Variants in PPP1R1C observed in about 807,000 individuals in gnomAD.
PPP1R1C encodes protein phosphatase 1 regulatory subunit 1C.
A neutral mutation model predicts 17.4 loss-of-function variants in PPP1R1C; 15 were observed. That is an observed-to-expected ratio of 0.86 (90% CI 0.58 to 1.33). PPP1R1C has a LOEUF of 1.33. Among genes scored for constraint, PPP1R1C ranks in the 40% most tolerant of loss-of-function variants. The pLI, the probability that PPP1R1C is intolerant of heterozygous loss-of-function variation, is 0.00. For missense variants in PPP1R1C, 143 were observed against 130.0 expected (o/e 1.10, Z -0.48); for synonymous variants, 35 against 43.1 (o/e 0.81, Z 0.73).
chr2:182,008,484 C>G (rs1685996318), intron 2 of PPP1R1C, among the ~76,000 whole-genome samples: 1 of 152,042 alleles, frequency 6.6e-6, no homozygotes, highest in South Asian at 2.1e-4. Flanking sequence ...TCGAAGGATC[C>G]TACAAAAGCG....
rs3063151 is a variant in PPP1R1C at position 182,117,692 on chromosome 2, A to AGT, written c.*417_*418dup. The AGT allele has an allele frequency of 0.041, 6,235 of 153,214 alleles. 325 individuals carry two copies. Among genetic ancestry groups the AGT allele is most frequent in the Admixed American group, 0.13 (2,033 of 15,290 alleles). 9.5% of individuals were successfully genotyped at this position (153,214 alleles called of 1,614,324 possible). Reference sequence around the variant, plus strand: ...TAAATAGTAAACACATTTAGACATGAGTGTGTGTGTGTGTGTGTGTGGGTT... The same window carrying AGT: ...TAAATAGTAAACACATTTAGACATGAGTGTGTGTGTGTGTGTGTGTGTGGGTT... On this transcript the variant is annotated 3_prime_UTR_variant, in exon 5 of 5. Transcript: ENST00000682840.
At chr2:182,107,354 A>G (rs1028915029) in intron 4 of PPP1R1C, among the ~76,000 whole-genome samples, 1 of 152,200 alleles carries the variant, frequency 6.6e-6, no homozygotes, top group Non-Finnish European at 1.5e-5. Flanking sequence ...CAGTTCTTTC[A>G]GATTAAACGT....
At chr2:182,122,376 A>C (rs562766886), downstream of PPP1R1C, among the ~76,000 whole-genome samples, 2 of 152,186 alleles carry the variant, frequency 1.3e-5, no homozygotes, top group Non-Finnish European at 2.9e-5. Context: ...TGTGTATTAG[A>C]AGAAATACAT....
At chr2:182,057,947 G>GTT (rs1227049023) in intron 2 of PPP1R1C, among the ~76,000 whole-genome samples, 1 of 152,018 alleles carries the variant, frequency 6.6e-6, no homozygotes, top group African/African-American at 2.4e-5. Context: ...TTTTTAAAGA[G>GTT]TTTTAGATTT....
At chr2:182,061,347 T>C in intron 2 of PPP1R1C, 95 bp from the exon 3 acceptor site, 1 of 886,114 alleles carries the variant, frequency 1.1e-6, no homozygotes, top group Non-Finnish European at 1.7e-6. Context: ...AGGCAATTAT[T>C]AAATCATTTT....
chr2:182,062,604 A>G (rs948354601), intron 3 of PPP1R1C, among the ~76,000 whole-genome samples: 2 of 152,208 alleles, frequency 1.3e-5, no homozygotes, highest in Non-Finnish European at 2.9e-5. Flanking sequence ...CTATTTGCTC[A>G]TCTGCTATGG....
intron 4 of PPP1R1C, among the ~76,000 whole-genome samples, chr2:182,094,325 G>T (rs145388825): frequency 6.6e-6 from 1 of 152,090 alleles, no homozygotes; most frequent in Non-Finnish European, 1.5e-5. Flanking sequence ...CCCACAACAC[G>T]TGGGAATTAC....
chr2:182,100,948 T>C (rs1689082916), intron 4 of PPP1R1C, among the ~76,000 whole-genome samples: 1 of 152,086 alleles, frequency 6.6e-6, no homozygotes, highest in Non-Finnish European at 1.5e-5. Flanking sequence ...TTTCCCATGT[T>C]TGGTGGTCAT....
At chr2:181,977,784 A>G (rs1180747292) in intron 2 of PPP1R1C, among the ~76,000 whole-genome samples, 1 of 152,192 alleles carries the variant, frequency 6.6e-6, no homozygotes, top group Admixed American at 6.5e-5. Flanking sequence ...TGAGGGCCTC[A>G]GTTGGAACTC....
chr2:182,017,300 G>A (rs1007867713), intron 2 of PPP1R1C, among the ~76,000 whole-genome samples: 3 of 151,758 alleles, frequency 2.0e-5, no homozygotes, highest in Admixed American at 6.6e-5. Context: ...AATTTATATT[G>A]GGGGACTGGT....
intron 2 of PPP1R1C, among the ~76,000 whole-genome samples, chr2:182,005,494 A>C (rs888682390): frequency 6.6e-6 from 1 of 152,124 alleles, no homozygotes; most frequent in Non-Finnish European, 1.5e-5. Context: ...TATATCTTTC[A>C]TTTTCAATTT....
intron 4 of PPP1R1C, among the ~76,000 whole-genome samples, chr2:182,109,105 T>C (rs751853235): frequency 6.6e-6 from 1 of 152,236 alleles, no homozygotes; most frequent in Non-Finnish European, 1.5e-5. Flanking sequence ...TGAAAGATGA[T>C]GTTGAACATC....
chr2:182,105,838 G>A (rs545038418), intron 4 of PPP1R1C, among the ~76,000 whole-genome samples: 1 of 152,262 alleles, frequency 6.6e-6, no homozygotes, highest in African/African-American at 2.4e-5. Flanking sequence ...CAACGCTATG[G>A]ATGTATTAGT....
At chr2:182,022,651 G>A (rs1686461464) in intron 2 of PPP1R1C, among the ~76,000 whole-genome samples, 1 of 152,158 alleles carries the variant, frequency 6.6e-6, no homozygotes. Context: ...AATCTTACAG[G>A]AGACAATAAA....
chr2:182,046,448 A>C (rs1024825306), intron 2 of PPP1R1C, among the ~76,000 whole-genome samples: 2 of 151,986 alleles, frequency 1.3e-5, no homozygotes, highest in African/African-American at 2.4e-5. Context: ...CTAGCAATTC[A>C]AAGGCGAAGT....
chr2:182,002,935 C>CCCT (rs1553502178), intron 2 of PPP1R1C, among the ~76,000 whole-genome samples: 4 of 138,838 alleles, frequency 2.9e-5, no homozygotes, highest in Admixed American at 1.4e-4. Flanking sequence ...AAACCTCCCC[C>CCCT]CCCCCACAAC....
chr2:181,993,987 G>A (rs1398602733), intron 2 of PPP1R1C, among the ~76,000 whole-genome samples: 1 of 151,070 alleles, frequency 6.6e-6, no homozygotes, highest in Non-Finnish European at 1.5e-5. Context: ...TTGGCAAATA[G>A]TTTTCCCAAA....
downstream of PPP1R1C, chr2:182,117,988 T>A (rs926106655): frequency 2.6e-5 from 4 of 152,164 alleles, no homozygotes; most frequent in Admixed American, 6.6e-5. Flanking sequence ...GAAAGAAGAA[T>A]GATAAATCCA....
intron 2 of PPP1R1C, among the ~76,000 whole-genome samples, chr2:182,060,075 C>A (rs539885821): frequency 6.6e-6 from 1 of 152,120 alleles, no homozygotes; most frequent in South Asian, 2.1e-4. Flanking sequence ...TTAGTATATC[C>A]ATAGCTGCCT....
Sources: allele counts gnomAD v4.1 joint callset (sites outside exome capture counted in the v4.1 genomes callset), GRCh38; gene constraint gnomAD v4.1.1; transcripts MANE v1.5; gene names NCBI Gene and HGNC (gene_info 2026-07-23, HGNC 2026-07-21).